The following RBMS3 variants were observed in gnomAD, a reference collection of about 807,000 sequenced individuals.
RBMS3 encodes RNA-binding motif, single-stranded-interacting protein 3.
A neutral mutation model predicts 66.8 loss-of-function variants in RBMS3; 27 were observed. The observed-to-expected ratio is 0.40, with a 90% CI of 0.30 to 0.56. The LOEUF (loss-of-function observed/expected upper bound fraction) is 0.56, where lower values mean the gene tolerates loss of function less well. RBMS3 is among the 20% of genes least tolerant of loss of function. The pLI is 0.40. For missense variants in RBMS3, 513 were observed against 549.5 expected, an observed-to-expected ratio of 0.93 and a Z score of 0.66; for synonymous variants, 188 against 183.0, an observed-to-expected ratio of 1.03 and a Z score of -0.22.
intron 4 of RBMS3, among the ~76,000 whole-genome samples, chr3:29,652,381 A>T (rs560707516): frequency 6.6e-6 from 1 of 152,240 alleles, no homozygotes; most frequent in East Asian, 1.9e-4. Context: ...CATTATTAGG[A>T]TGCTCTCCAA....
In RBMS3 at chr3:29,587,227, GTTTTTTTTTT is replaced by G. The variant is rs537893659; in HGVS notation, c.399+35_399+44del. The G allele has an allele frequency of 1.5e-4, 32 of 213,464 alleles. No homozygotes were observed. In the African/African-American group the frequency reaches 2.5e-3, roughly 17 times the overall value. 13.2% of individuals were successfully genotyped at this position (213,464 alleles called of 1,614,324 possible). Reference sequence around the variant, plus strand: ...TAAGGTAAGATTGATGTTTAGGGGTGTTTTTTTTTTTTTTTTTTTTTTGTGTGTGTGTGTG... The same window carrying G: ...TAAGGTAAGATTGATGTTTAGGGGTGTTTTTTTTTTTTGTGTGTGTGTGTG... On this transcript the variant is annotated intron_variant, in intron 4 of 14. Transcript: ENST00000383767.
intron 3 of RBMS3, among the ~76,000 whole-genome samples, chr3:29,579,921 A>T (rs756302784): frequency 4.6e-5 from 7 of 152,144 alleles, no homozygotes; most frequent in Middle Eastern, 3.2e-3. Context: ...TGATTCTGAT[A>T]CTCATTTTGA....
At chr3:29,829,683 CT>C (rs2058312592) in intron 6 of RBMS3, among the ~76,000 whole-genome samples, 1 of 152,116 alleles carries the variant, frequency 6.6e-6, no homozygotes, top group African/African-American at 2.4e-5. Context: ...AGAGTTGATG[CT>C]GATGAAACCT....
At chr3:29,533,069 C>G (rs1219238886) in intron 3 of RBMS3, among the ~76,000 whole-genome samples, 1 of 152,016 alleles carries the variant, frequency 6.6e-6, no homozygotes, top group African/African-American at 2.4e-5. Flanking sequence ...TGTTTTATGC[C>G]AGTCAATTAT....
intron 6 of RBMS3, among the ~76,000 whole-genome samples, chr3:29,769,175 A>G (rs1259648078): frequency 1.3e-5 from 2 of 151,766 alleles, no homozygotes; most frequent in Non-Finnish European, 2.9e-5. Context: ...GAAATTTAGC[A>G]AGAGAGGTAT....
At chr3:29,878,968 A>C (rs1265268266) in intron 7 of RBMS3, among the ~76,000 whole-genome samples, 1 of 152,150 alleles carries the variant, frequency 6.6e-6, no homozygotes, top group Non-Finnish European at 1.5e-5. Context: ...GGATTGCTAG[A>C]GCCCAGGAGT....
chr3:29,763,369 T>C (rs1376003878), intron 6 of RBMS3, among the ~76,000 whole-genome samples: 3 of 152,076 alleles, frequency 2.0e-5, no homozygotes, highest in African/African-American at 4.8e-5. Flanking sequence ...ATGCCAGCCC[T>C]GAAACATTTC....
chr3:29,710,570 A>G (rs1293015723), intron 4 of RBMS3, among the ~76,000 whole-genome samples: 2 of 152,130 alleles, frequency 1.3e-5, no homozygotes, highest in Non-Finnish European at 2.9e-5. Context: ...AATATACTGA[A>G]CGTTTATGGG....
intron 7 of RBMS3, among the ~76,000 whole-genome samples, chr3:29,878,311 C>T (rs1161077969): frequency 6.6e-6 from 1 of 152,052 alleles, no homozygotes; most frequent in Non-Finnish European, 1.5e-5. Flanking sequence ...TAGTAGGTTT[C>T]TGATCATTGA....
chr3:29,525,825 C>G (rs901624091), intron 3 of RBMS3, among the ~76,000 whole-genome samples: 6 of 152,146 alleles, frequency 3.9e-5, no homozygotes, highest in African/African-American at 1.4e-4. Context: ...GGGTATGAAT[C>G]TGGAACTGCT....
chr3:30,003,533 T>C (rs1210822729), intron 14 of RBMS3, among the ~76,000 whole-genome samples: 1 of 151,986 alleles, frequency 6.6e-6, no homozygotes, highest in Non-Finnish European at 1.5e-5. Context: ...GTAAAGAATC[T>C]CATATTTGTT....
chr3:29,456,350 A>G (rs1033634290), intron 2 of RBMS3, among the ~76,000 whole-genome samples: 6 of 152,232 alleles, frequency 3.9e-5, no homozygotes, highest in African/African-American at 1.4e-4. Flanking sequence ...AGTTAATACC[A>G]TATTATACTA....
chr3:29,412,834 G>C (rs561917869), intron 1 of RBMS3, among the ~76,000 whole-genome samples: 1 of 152,146 alleles, frequency 6.6e-6, no homozygotes, highest in Non-Finnish European at 1.5e-5. Flanking sequence ...TATGATAAAG[G>C]TTTCTCAGAG....
chr3:29,634,781 C>G (rs2049415652), intron 4 of RBMS3, among the ~76,000 whole-genome samples: 1 of 151,756 alleles, frequency 6.6e-6, no homozygotes, highest in Non-Finnish European at 1.5e-5. Context: ...CTAATACTTC[C>G]TATTCCTTTA....
chr3:29,745,683 C>T (rs1482412635), intron 5 of RBMS3, among the ~76,000 whole-genome samples: 1 of 152,098 alleles, frequency 6.6e-6, no homozygotes, highest in Non-Finnish European at 1.5e-5. Flanking sequence ...CATTTACTAT[C>T]CCCTGGTGAG....
chr3:29,719,547 T>A (rs2053550390), intron 4 of RBMS3, among the ~76,000 whole-genome samples: 1 of 152,134 alleles, frequency 6.6e-6, no homozygotes, highest in Non-Finnish European at 1.5e-5. Context: ...TCATCACTAC[T>A]CTTATTAGGT....
intron 10 of RBMS3, 111 bp downstream of exon 10, chr3:29,899,866 G>T: frequency 2.0e-6 from 2 of 1,025,102 alleles, no homozygotes; most frequent in Non-Finnish European, 2.9e-6. Context: ...AACTCGTTCA[G>T]GCAGCCATAT....
chr3:29,820,454 AAT>A (rs2058050662), intron 6 of RBMS3, among the ~76,000 whole-genome samples: 3 of 151,860 alleles, frequency 2.0e-5, no homozygotes, highest in Non-Finnish European at 4.4e-5. Flanking sequence ...ATTCCATGTT[AAT>A]TTTTCTGGTA....
chr3:29,991,341 A>C, intron 14 of RBMS3, 132 bp downstream of exon 14: 12 of 1,461,198 alleles, frequency 8.2e-6, no homozygotes, highest in East Asian at 4.7e-5. Context: ...TATTTAGCTC[A>C]TGATTATGTG....
Sources: allele counts gnomAD v4.1 joint callset (sites outside exome capture counted in the v4.1 genomes callset), GRCh38; gene constraint gnomAD v4.1.1; transcripts MANE v1.5; gene names NCBI Gene and HGNC (gene_info 2026-07-23, HGNC 2026-07-21).